FRMD8: variants seen among roughly 807,000 people sequenced by gnomAD.
FRMD8 encodes the protein FERM domain containing 8, also known as FERM domain-containing protein 8.
Under a neutral mutation model 54.2 loss-of-function variants are expected in FRMD8, and 37 were observed. That is an observed-to-expected ratio of 0.68 (90% CI 0.53 to 0.90). The LOEUF is 0.90. Ranked by LOEUF, FRMD8 falls within the 40% of genes least tolerant of loss-of-function variation. The probability of loss-of-function intolerance (pLI) is 0.00; values close to 1 mark genes in which losing one functional copy is unlikely to be tolerated. For synonymous variants in FRMD8, 246 were observed against 286.9 expected (o/e 0.86, Z 1.44); for missense variants, 585 against 653.7 (o/e 0.89, Z 1.15).
At chr11:65,369,331 T>C in the FRMD8 span, among the ~76,000 whole-genome samples, 3 of 151,468 alleles carry the variant, frequency 2.0e-5, no homozygotes, top group East Asian at 5.8e-4. Context: ...ATGCCTGTAA[T>C]CTCAGCACTG....
chr11:65,377,406 A>C, the FRMD8 span: 1 of 1,182,446 alleles, frequency 8.5e-7, no homozygotes, highest in Non-Finnish European at 1.1e-6. Context: ...GCCTCCCTAA[A>C]GCCGGCAGTG....
At chr11:65,406,194 A>ATT (rs765076170) in intron 10 of FRMD8, among the ~76,000 whole-genome samples, 2 of 129,596 alleles carry the variant, frequency 1.5e-5, no homozygotes, top group Non-Finnish European at 1.7e-5. Context: ...CACCCGGCTA[A>ATT]TTTTTTTTTT....
upstream of FRMD8, chr11:65,383,718 A>T (rs1369557690): frequency 7.1e-6 from 1 of 141,658 alleles, no homozygotes; most frequent in Non-Finnish European, 1.5e-5. Flanking sequence ...AGATCATGCC[A>T]CTATACTCCA....
chr11:65,396,129 G>A (rs961817089), intron 6 of FRMD8, among the ~76,000 whole-genome samples: 12 of 152,162 alleles, frequency 7.9e-5, no homozygotes, highest in African/African-American at 2.2e-4. Flanking sequence ...CTTTCCCTTC[G>A]GCTCCTATGA....
Position 65,393,578 on chromosome 11 carries a change from C to A in FRMD8, c.259C>A (p.Gln87Lys), listed in dbSNP as rs766310880. The change falls in exon 4 of 11, where the codon CAG becomes AAG. Residue 87 changes from glutamine to lysine, a missense_variant. By Grantham distance (53) the Gln-to-Lys change is moderately conservative. Coordinates refer to ENST00000317568, the MANE Select transcript of FRMD8 (RefSeq NM_031904.5). ...LWLVSPLLEV[Q>K]LKPKHQPYKL... ...CTCCCCATCTCGTCCTGCAGAGGTG[C>A]AGCTGAAACCCAAGCACCAGCCCTA... 6.2e-7 allele frequency: 1 copy of A among 1,607,888 alleles called. No homozygotes were observed. Among genetic ancestry groups the A allele is most frequent in the South Asian group, 1.1e-5 (1 of 91,064 alleles).
In FRMD8 at chr11:65,411,429, G is replaced by C; in HGVS notation, c.*69G>C. 1.9e-6 allele frequency: 2 copies of C among 1,043,312 alleles called. No individual in the cohort carries two copies. The highest frequency in any genetic ancestry group is 2.7e-6 in the Non-Finnish European group (2 of 738,942). The allele number at this position is 1,043,312 out of a possible 1,614,324, so 64.6% of individuals were successfully genotyped here. ...CCGGCACTGTCCTCCTGAGGGGCAG[G>C]CGCCGGCTGCAACAGTCTCATGGGT... On this transcript the variant is annotated 3_prime_UTR_variant, in exon 11 of 11. Coordinates refer to ENST00000317568, the MANE Select transcript of FRMD8 (RefSeq NM_031904.5).
At position 65,387,068 on chromosome 11, in the gene FRMD8, C is replaced by T. The variant is rs1855747792; in HGVS notation, c.32C>T (p.Pro11Leu). ...GGGACAGAAGGCAGTGCCGGGCAGC[C>T]CGGCCCCGCTGAGCGATCCCACCGA... MDGTEGSAGQ[P>L]GPAERSHRSS... The change falls in exon 2 of 11, where the codon CCC (proline) becomes CTC (leucine). Residue 11 changes from proline to leucine, a missense_variant. By Grantham distance (98) the Pro-to-Leu change is moderately conservative. Transcript: ENST00000317568. The T allele has an allele frequency of 1.2e-6, 2 of 1,609,132 alleles. No homozygotes were observed. Among genetic ancestry groups the T allele is most frequent in the Non-Finnish European group, 1.7e-6 (2 of 1,180,018 alleles).
chr11:65,390,930 G>T (rs1190748983), intron 3 of FRMD8, among the ~76,000 whole-genome samples: 1 of 152,280 alleles, frequency 6.6e-6, no homozygotes, highest in Non-Finnish European at 1.5e-5. Flanking sequence ...GAAGACCCCG[G>T]CACAAAGTCA....
chr11:65,377,193 C>A, the FRMD8 span: 11 of 1,455,658 alleles, frequency 7.6e-6, no homozygotes, highest in Non-Finnish European at 9.0e-6. Context: ...CCTCAGGAAC[C>A]CTGCCGGCAC....
chr11:65,374,266 G>T, the FRMD8 span, among the ~76,000 whole-genome samples: 1 of 147,542 alleles, frequency 6.8e-6, no homozygotes, highest in Non-Finnish European at 1.5e-5. Flanking sequence ...GCCCAGGGTG[G>T]TGTGGGGGGA....
In FRMD8 at chr11:65,406,340, G is replaced by A. The variant is rs183417654; in HGVS notation, c.1276+1272G>A. On this transcript the variant is annotated intron_variant, in intron 10 of 10. Coordinates refer to ENST00000317568, the MANE Select transcript of FRMD8 (RefSeq NM_031904.5). ...CTCCTAAGTAGCTGGAACTACAGGC[G>A]CCCACCACCACGCCCGGCTACTTTT... is the stretch of plus-strand genomic sequence containing the variant. Among the ~76,000 whole-genome samples the A allele has an allele frequency of 5.9e-5, 9 of 151,940 alleles. No individual in the cohort carries two copies. In the South Asian group the frequency reaches 1.5e-3, roughly 25 times the overall value.
the FRMD8 span, chr11:65,379,490 C>T: frequency 1.9e-6 from 3 of 1,614,080 alleles, no homozygotes; most frequent in Non-Finnish European, 2.5e-6. Context: ...TGCTATAGAC[C>T]CCAAACAGGA....
intron 7 of FRMD8, among the ~76,000 whole-genome samples, chr11:65,398,565 C>T (rs1481979474): frequency 2.0e-5 from 3 of 152,282 alleles, no homozygotes; most frequent in South Asian, 2.1e-4. Flanking sequence ...TGGCAGCTGG[C>T]GATGGATGTG....
the FRMD8 span, chr11:65,376,462 G>A: frequency 1.9e-6 from 3 of 1,614,090 alleles, no homozygotes; most frequent in African/African-American, 4.0e-5. Context: ...AGCATTGACG[G>A]GAAAGGCGCG....
At chr11:65,388,436 C>G (rs1288281007) in intron 2 of FRMD8, among the ~76,000 whole-genome samples, 1 of 152,158 alleles carries the variant, frequency 6.6e-6, no homozygotes, top group Non-Finnish European at 1.5e-5. Flanking sequence ...CGTGCCCTTC[C>G]CTTCCACACA....
Position 65,396,860 on chromosome 11 carries a change from G to T in FRMD8, c.643G>T (p.Ala215Ser). 6.4e-7 allele frequency: 1 copy of T among 1,556,926 alleles called. No homozygotes were observed. Reference protein sequence around the residue: ...LCKRGQSLFAALRGRGARAGP... With the variant: ...LCKRGQSLFASLRGRGARAGP... Reference sequence around the variant, plus strand: ...TAAGCGGGGCCAGAGTCTCTTTGCTGCCCTCCGGGGCCGTGGGGCCAGGGC... The same window carrying T: ...TAAGCGGGGCCAGAGTCTCTTTGCTTCCCTCCGGGGCCGTGGGGCCAGGGC... The change falls in exon 7 of 11, where the codon GCC becomes TCC. Residue 215 changes from alanine (A) to serine (S), a missense_variant. By Grantham distance (99) the Ala-to-Ser change is moderately conservative. Coordinates refer to ENST00000317568, the MANE Select transcript of FRMD8 (RefSeq NM_031904.5).
At chr11:65,381,722 T>G, upstream of FRMD8, 10 of 627,188 alleles carry the variant, frequency 1.6e-5, no homozygotes, top group East Asian at 2.9e-5. Context: ...GCCCAGCTAA[T>G]TATTTTGATT....
intron 6 of FRMD8, among the ~76,000 whole-genome samples, chr11:65,395,112 T>C (rs1463069056): frequency 6.6e-6 from 1 of 151,976 alleles, no homozygotes; most frequent in Non-Finnish European, 1.5e-5. Flanking sequence ...CCAGGTGTGG[T>C]GGCACACACC....
upstream of FRMD8, chr11:65,382,068 G>C (rs1855597842): frequency 2.1e-6 from 2 of 948,408 alleles, no homozygotes; most frequent in East Asian, 4.9e-5. The surrounding 1 kb of genome is among the most constrained non-coding windows in gnomAD (Gnocchi z 4.4). Flanking sequence ...TGGCGGGAAG[G>C]TGAGAATTGG....
Sources: gnomAD v4.1 joint callset for allele counts (sites outside exome capture counted in the v4.1 genomes callset) on GRCh38, gnomAD v4.1.1 for gene constraint, Gnocchi (gnomAD v3.1) non-coding constraint, MANE v1.5 for transcripts, NCBI Gene and HGNC (gene_info 2026-07-23, HGNC 2026-07-21) for gene names.